HMGB4: variants seen among roughly 807,000 people sequenced by gnomAD.
HMGB4 encodes high mobility group protein B4.
For missense variants in HMGB4, 217 were observed against 220.4 expected, an observed-to-expected ratio of 0.98 and a Z score of 0.10; for synonymous variants, 82 against 84.9, an observed-to-expected ratio of 0.97 and a Z score of 0.19.
chr1:33,863,229 C>T (rs1023533353), upstream of HMGB4: 2 of 152,220 alleles, frequency 1.3e-5, no homozygotes, highest in African/African-American at 4.8e-5. Flanking sequence ...CAGAATGACA[C>T]TTTTTCATCT....
chr1:33,862,353 G>GTGTGTGTC (rs1385360531), upstream of HMGB4: 1 of 131,290 alleles, frequency 7.6e-6, no homozygotes, highest in Non-Finnish European at 1.6e-5. Flanking sequence ...CTGTGTGTGT[G>GTGTGTGTC]TGTGTGTGTG....
chr1:33,864,523 T>A lies in HMGB4; in HGVS notation c.332T>A (p.Leu111Gln). 6.2e-7 allele frequency: 1 copy of A among 1,614,034 alleles called. No individual in the cohort carries two copies. Among genetic ancestry groups the A allele is most frequent in the Non-Finnish European group, 8.5e-7 (1 of 1,179,996 alleles). The stretch of plus-strand genomic sequence containing the variant: ...TTCTGCCAAGACCACTATGCTCAGC[T>A]GAAGAGGGAGAACCCGAACTGGTCG... Reference protein sequence around the residue: ...LLFCQDHYAQLKRENPNWSVV... With the variant: ...LLFCQDHYAQQKRENPNWSVV... The change falls in exon 1 of 1, where the codon CTG becomes CAG. Residue 111 changes from leucine (L) to glutamine (Q), a missense_variant. Coordinates refer to ENST00000681531, the MANE Select transcript of HMGB4 (RefSeq NM_001379301.1).
upstream of HMGB4, chr1:33,864,030 A>G (rs1639760651): frequency 3.1e-6 from 2 of 652,156 alleles, no homozygotes; most frequent in African/African-American, 1.8e-5. Context: ...CCTCTGACTC[A>G]ACAATGCCAT....
Position 33,864,702 on chromosome 1 carries a change from C to G in HMGB4, c.511C>G (p.Arg171Gly), listed in dbSNP as rs571098519. 22 of 1,613,028 alleles carry G rather than the reference C, an allele frequency of 1.4e-5. No individual in the cohort carries two copies. The highest frequency in any genetic ancestry group is 1.8e-5 in the Non-Finnish European group (21 of 1,179,764). The change falls in exon 1 of 1, where the codon CGA becomes GGA. Residue 171 changes from arginine to glycine, a missense_variant. Coordinates refer to ENST00000681531, the MANE Select transcript of HMGB4 (RefSeq NM_001379301.1). ...RKQCNARKKY[R>G]MSARNRCRGK... ...ACAATGTAATGCCAGGAAGAAGTAC[C>G]GAATGTCAGCTAGAAACCGGTGCAG...
chr1:33,864,233 T>G lies in HMGB4; in HGVS notation c.42T>G (p.Ser14=). Residue 14 remains serine, a synonymous_variant, in exon 1 of 1, where the codon TCT becomes TCG. Coordinates refer to ENST00000681531, the MANE Select transcript of HMGB4 (RefSeq NM_001379301.1). The part of the protein sequence containing the change: ...EIQLKPKANV[S]SYVHFLLNYR... ...AGCTAAAGCCTAAGGCAAATGTCTC[T>G]TCTTACGTTCACTTTTTGCTGAATT... 6.2e-7 allele frequency: 1 copy of G among 1,612,462 alleles called. No homozygotes were observed. Among genetic ancestry groups the G allele is most frequent in the Non-Finnish European group, 8.5e-7 (1 of 1,179,682 alleles).
In HMGB4 at chr1:33,864,739, T is replaced by A. The variant is rs752622300; in HGVS notation, c.548T>A (p.Val183Asp). The A allele has an allele frequency of 9.3e-6, 15 of 1,606,462 alleles. No homozygotes were observed. The highest frequency in any genetic ancestry group is 1.3e-5 in the Non-Finnish European group (15 of 1,176,162). ...SARNRCRGKR[V>D]RQS The stretch of plus-strand genomic sequence containing the variant: ...AGAAACCGGTGCAGAGGGAAAAGAG[T>A]CAGGCAGAGCTGATGGATCCAGTTT... Residue 183 changes from valine to aspartate, a missense_variant, in exon 1 of 1, where the codon GTC becomes GAC. Physicochemically the swap from Val to Asp is radical, Grantham distance 152. Coordinates refer to ENST00000681531, the MANE Select transcript of HMGB4 (RefSeq NM_001379301.1).
rs766046083 is a variant in HMGB4 at position 33,864,732 on chromosome 1, A to G, written c.541A>G (p.Lys181Glu). The G allele has an allele frequency of 2.5e-6, 4 of 1,610,756 alleles. No homozygotes were observed. The South Asian group carries it at 4.4e-5, about 18-fold the overall frequency. Reference sequence around the variant, plus strand: ...GTCAGCTAGAAACCGGTGCAGAGGGAAAAGAGTCAGGCAGAGCTGATGGAT... The same window carrying G: ...GTCAGCTAGAAACCGGTGCAGAGGGGAAAGAGTCAGGCAGAGCTGATGGAT... Reference protein sequence around the residue: ...RMSARNRCRGKRVRQS With the variant: ...RMSARNRCRGERVRQS Residue 181 changes from lysine to glutamate, a missense_variant, in exon 1 of 1, where the codon AAA (lysine) becomes GAA (glutamate). Coordinates refer to ENST00000681531, the MANE Select transcript of HMGB4 (RefSeq NM_001379301.1).
rs1639851438 is a variant in HMGB4 at position 33,864,734 on chromosome 1, A to G, written c.543A>G (p.Lys181=). ...CAGCTAGAAACCGGTGCAGAGGGAAAAGAGTCAGGCAGAGCTGATGGATCC... is the reference window on the plus strand; with the variant it reads ...CAGCTAGAAACCGGTGCAGAGGGAAGAGAGTCAGGCAGAGCTGATGGATCC... ...RMSARNRCRG[K]RVRQS Residue 181 remains lysine, a synonymous_variant, in exon 1 of 1, where the codon AAA becomes AAG. Transcript: ENST00000681531. 6.2e-6 allele frequency: 10 copies of G among 1,610,976 alleles called. No homozygotes were observed. The highest frequency in any genetic ancestry group is 8.5e-6 in the Non-Finnish European group (10 of 1,178,874).
At chr1:33,861,629 G>A (rs1051208358), upstream of HMGB4, among the ~76,000 whole-genome samples, 1 of 152,176 alleles carries the variant, frequency 6.6e-6, no homozygotes, top group African/African-American at 2.4e-5. Context: ...CATGGTGAAA[G>A]GCTAAAACCA....
Position 33,864,211 on chromosome 1 carries a change from TA to T in HMGB4, c.23del (p.Lys8SerfsTer14), listed in dbSNP as rs755425114. The T allele has an allele frequency of 6.2e-7, 1 of 1,604,082 alleles. No individual in the cohort carries two copies. Among genetic ancestry groups the T allele is most frequent in the South Asian group, 1.1e-5 (1 of 88,948 alleles). On this transcript the variant is annotated frameshift_variant, in exon 1 of 1. Transcript: ENST00000681531. LOFTEE classifies it low-confidence loss of function (END_TRUNC). ...ACGAACATGGGAAAAGAAATCCAGCTAAAGCCTAAGGCAAATGTCTCTTCTT... is the reference window on the plus strand; with the variant it reads ...ACGAACATGGGAAAAGAAATCCAGCTAAGCCTAAGGCAAATGTCTCTTCTT... MGKEIQ[L>X]KPKANVSSYV...
Position 33,864,482 on chromosome 1 carries a change from A to G in HMGB4, c.291A>G (p.Pro97=), listed in dbSNP as rs1237802403. The G allele has an allele frequency of 1.2e-6, 2 of 1,614,012 alleles. No individual in the cohort carries two copies. Among genetic ancestry groups the G allele is most frequent in the Non-Finnish European group, 1.7e-6 (2 of 1,180,030 alleles). Residue 97 remains proline, a synonymous_variant, in exon 1 of 1, where the codon CCA becomes CCG. Coordinates refer to ENST00000681531, the MANE Select transcript of HMGB4 (RefSeq NM_001379301.1). ...KRDPQEPRRP[P]SSFLLFCQDH... is the part of the protein sequence containing the mutation. ...ATCCCCAGGAACCCAGACGGCCTCC[A>G]TCATCCTTCCTACTCTTCTGCCAAG...
At chr1:33,862,418 T>A (rs1244893651), upstream of HMGB4, 1 of 143,986 alleles carries the variant, frequency 6.9e-6, no homozygotes, top group Non-Finnish European at 1.5e-5. Flanking sequence ...CAGAGTCTGA[T>A]GAATATGTGG....
At chr1:33,863,945 A>G (rs1372714164), upstream of HMGB4, 1 of 441,878 alleles carries the variant, frequency 2.3e-6, no homozygotes, top group African/African-American at 2.0e-5. Flanking sequence ...ACCAACCAAT[A>G]CGAGCACCTG....
chr1:33,861,379 G>A (rs547720548), upstream of HMGB4: 1 of 152,282 alleles, frequency 6.6e-6, no homozygotes, highest in Admixed American at 6.5e-5. Context: ...TGGCAGAGCT[G>A]GGTACCTGCA....
At chr1:33,863,503 A>C (rs943780331), upstream of HMGB4, 4 of 152,112 alleles carry the variant, frequency 2.6e-5, no homozygotes, top group African/African-American at 9.7e-5. Flanking sequence ...AAGAGTTCCA[A>C]CTCATAGCCC....
upstream of HMGB4, chr1:33,863,973 G>T: frequency 1.8e-6 from 1 of 543,296 alleles, no homozygotes; most frequent in Non-Finnish European, 3.2e-6. Context: ...ATGCCCACAG[G>T]TGTTGGCTGG....
At position 33,864,469 on chromosome 1, in the gene HMGB4, C is replaced by G. The variant is rs144223004; in HGVS notation, c.278C>G (p.Pro93Arg). The G allele has an allele frequency of 1.2e-6, 2 of 1,613,382 alleles. No individual in the cohort carries two copies. The highest frequency in any genetic ancestry group is 1.7e-6 in the Non-Finnish European group (2 of 1,179,376). ...CGGAGAAAGCGGGATCCCCAGGAACCCAGACGGCCTCCATCATCCTTCCTA... is the reference window on the plus strand; with the variant it reads ...CGGAGAAAGCGGGATCCCCAGGAACGCAGACGGCCTCCATCATCCTTCCTA... Reference protein sequence around the residue: ...KKRRKRDPQEPRRPPSSFLLF... With the variant: ...KKRRKRDPQERRRPPSSFLLF... The change falls in exon 1 of 1, where the codon CCC becomes CGC. Residue 93 changes from proline to arginine, a missense_variant. Transcript: ENST00000681531.
chr1:33,864,432 A>G lies in HMGB4; in HGVS notation c.241A>G (p.Lys81Glu). The G allele has an allele frequency of 6.2e-7, 1 of 1,613,600 alleles. No individual in the cohort carries two copies. The highest frequency in any genetic ancestry group is 8.5e-7 in the Non-Finnish European group (1 of 1,179,536). The part of the protein sequence containing the change: ...YQEEMMNYVG[K>E]RKKRRKRDPQ... ...GGAAGAAATGATGAATTATGTTGGC[A>G]AGAGGAAGAAACGGAGAAAGCGGGA... The change falls in exon 1 of 1, where the codon AAG becomes GAG. Residue 81 changes from lysine (K) to glutamate (E), a missense_variant. Lys to Glu is a moderately conservative substitution (Grantham distance 56). Transcript: ENST00000681531.
Position 33,864,655 on chromosome 1 carries a change from A to G in HMGB4, c.464A>G (p.Glu155Gly), listed in dbSNP as rs148174558. ...GCTCTCCTGAGAGCTAAGTACTTCG[A>G]GGAACTTGAACTCTACCGTAAACAA... Reference protein sequence around the residue: ...RVALLRAKYFEELELYRKQCN... With the variant: ...RVALLRAKYFGELELYRKQCN... Residue 155 changes from glutamate to glycine, a missense_variant, in exon 1 of 1, where the codon GAG becomes GGG. Physicochemically the swap from Glu to Gly is moderately conservative, Grantham distance 98. Coordinates refer to ENST00000681531, the MANE Select transcript of HMGB4 (RefSeq NM_001379301.1). 3.0e-5 allele frequency: 49 copies of G among 1,613,882 alleles called. No homozygotes were observed. The highest frequency in any genetic ancestry group is 4.0e-5 in the Non-Finnish European group (47 of 1,180,008).
Sources: allele counts gnomAD v4.1 joint callset (sites outside exome capture counted in the v4.1 genomes callset), GRCh38; gene constraint gnomAD v4.1.1; transcripts MANE v1.5; gene names NCBI Gene and HGNC (gene_info 2026-07-23, HGNC 2026-07-21).